The following LDLRAD4 variants were observed in gnomAD, a reference collection of about 807,000 sequenced individuals.
The protein encoded by LDLRAD4 is low-density lipoprotein receptor class A domain-containing protein 4.
LDLRAD4 carries 5 observed loss-of-function variants against 17.0 expected under a neutral mutation model. That is an observed-to-expected ratio of 0.29 (90% confidence interval 0.15 to 0.62). The LOEUF is 0.62. LDLRAD4 is among the 20% of genes least tolerant of loss of function. The pLI is 0.84. For synonymous variants in LDLRAD4, 168 were observed against 171.8 expected, an observed-to-expected ratio of 0.98 and a Z score of 0.17; for missense variants, 340 against 424.7, an observed-to-expected ratio of 0.80 and a Z score of 1.75.
At position 13,424,297 on chromosome 18, in the gene LDLRAD4, C is replaced by G. The variant is rs78448175; in HGVS notation, c.41-13947C>G. ...TGGGCCCTCTGGTTCAAGGTGAAAC[C>G]AGAGGAGCAAAGTGTGTGCTGATTC... is the stretch of plus-strand genomic sequence containing the variant. On this transcript the variant is annotated intron_variant, in intron 2 of 5. Transcript: ENST00000359446. Among the ~76,000 whole-genome samples the G allele has an allele frequency of 5.6e-3, 858 of 152,188 alleles. 47 individuals are homozygous for G. In the East Asian group the frequency reaches 0.14, roughly 24 times the overall value.
intron 1 of LDLRAD4, among the ~76,000 whole-genome samples, chr18:13,344,491 T>C (rs2082564045): frequency 7.5e-6 from 1 of 133,478 alleles, no homozygotes; most frequent in African/African-American, 2.6e-5. Context: ...TGTAGCTTTG[T>C]AGTATAGTTT....
At chr18:13,362,107 G>A (rs1026633945) in intron 1 of LDLRAD4, 3 of 152,084 alleles carry the variant, frequency 2.0e-5, no homozygotes, top group Admixed American at 6.6e-5. Flanking sequence ...ACAAGCAGAG[G>A]CGTGAGCGAG....
In LDLRAD4 at chr18:13,367,836, T is replaced by G. The variant is rs1599715024; in HGVS notation, c.-382-19505T>G. On this transcript the variant is annotated intron_variant, in intron 1 of 5. Coordinates refer to ENST00000359446, the Ensembl canonical transcript of LDLRAD4. The surrounding 1 kb of genome is among the most constrained non-coding windows in gnomAD (Gnocchi z 4.1). ...TACTGAGAGAGAGGGGACAGTGGGG[T>G]GTGGGGGTGTGCTATCAAGGGGTGT... is the stretch of plus-strand genomic sequence containing the variant. Among the ~76,000 whole-genome samples the G allele has an allele frequency of 2.1e-5, 3 of 139,702 alleles. No homozygotes were observed. The highest frequency in any genetic ancestry group is 5.4e-5 in the African/African-American group (2 of 36,754). 91.6% of individuals were successfully genotyped at this position (139,702 alleles called of 152,430 possible).
intron 1 of LDLRAD4, among the ~76,000 whole-genome samples, chr18:13,257,825 C>T (rs1006331295): frequency 6.6e-6 from 1 of 152,156 alleles, no homozygotes; most frequent in African/African-American, 2.4e-5. Context: ...TTTGTCCAAC[C>T]CAATGTGTCT....
chr18:13,253,045 G>T (rs996341340), intron 1 of LDLRAD4, among the ~76,000 whole-genome samples: 17 of 152,312 alleles, frequency 1.1e-4, no homozygotes, highest in African/African-American at 4.1e-4. Context: ...TTCACTCTGG[G>T]CACCCTGTAA....
At chr18:13,624,571 G>C (rs550069812) in intron 4 of LDLRAD4, among the ~76,000 whole-genome samples, 1 of 152,350 alleles carries the variant, frequency 6.6e-6, no homozygotes, top group East Asian at 1.9e-4. Context: ...TGGGATGGGG[G>C]AGTGTCAGGC....
chr18:13,608,411 C>T (rs757503697), intron 3 of LDLRAD4, among the ~76,000 whole-genome samples: 8 of 152,062 alleles, frequency 5.3e-5, no homozygotes, highest in Non-Finnish European at 1.2e-4. Flanking sequence ...GGGACCTGGG[C>T]TGGGTGAGAT....
intron 3 of LDLRAD4, among the ~76,000 whole-genome samples, chr18:13,452,333 G>C (rs1282908683): frequency 2.6e-5 from 4 of 152,146 alleles, no homozygotes; most frequent in African/African-American, 9.7e-5. Flanking sequence ...GCAGCGCTTG[G>C]AGGATGCAGC....
chr18:13,475,427 A>T (rs1278481134), intron 3 of LDLRAD4, among the ~76,000 whole-genome samples: 4 of 131,160 alleles, frequency 3.0e-5, no homozygotes, highest in East Asian at 2.3e-4. Flanking sequence ...CACCCCGCTG[A>T]TTTTTTTTTT....
At chr18:13,493,036 T>A (rs1450623456) in intron 3 of LDLRAD4, among the ~76,000 whole-genome samples, 2 of 152,192 alleles carry the variant, frequency 1.3e-5, no homozygotes, top group South Asian at 2.1e-4. Flanking sequence ...GGAGGATCAC[T>A]TGAAACCAGG....
At chr18:13,553,698 T>C (rs2094456862) in intron 3 of LDLRAD4, among the ~76,000 whole-genome samples, 1 of 152,206 alleles carries the variant, frequency 6.6e-6, no homozygotes, top group African/African-American at 2.4e-5. Context: ...CTGGCTAACC[T>C]CCATTTCTAC....
chr18:13,601,045 T>C (rs2095155047), intron 3 of LDLRAD4, among the ~76,000 whole-genome samples: 1 of 152,330 alleles, frequency 6.6e-6, no homozygotes, highest in African/African-American at 2.4e-5. Flanking sequence ...GCACCTGTTC[T>C]CCTAACCCTT....
chr18:13,304,417 AGTGTCAGGTCTGTATCTCT>A (rs2046790481), intron 1 of LDLRAD4, among the ~76,000 whole-genome samples: 3 of 152,288 alleles, frequency 2.0e-5, no homozygotes, highest in Admixed American at 2.0e-4. Flanking sequence ...TCTTGGTGCT[AGTGTCAGGTCTGTATCTCT>A]GTGTTGGGCC....
intron 1 of LDLRAD4, among the ~76,000 whole-genome samples, chr18:13,363,765 A>G (rs1396351187): frequency 6.6e-6 from 1 of 152,254 alleles, no homozygotes; most frequent in East Asian, 1.9e-4. Flanking sequence ...TCTCACAGAT[A>G]GCTTGAGTCT....
At chr18:13,279,167 G>A (rs1225958425) in intron 1 of LDLRAD4, among the ~76,000 whole-genome samples, 1 of 152,204 alleles carries the variant, frequency 6.6e-6, no homozygotes, top group Non-Finnish European at 1.5e-5. Flanking sequence ...GGGAAGCTGG[G>A]GTGGAAAGAG....
chr18:13,284,053 T>A (rs1018687748), intron 1 of LDLRAD4, among the ~76,000 whole-genome samples: 1 of 152,170 alleles, frequency 6.6e-6, no homozygotes, highest in African/African-American at 2.4e-5. Flanking sequence ...CCACGATATG[T>A]GGGAATTCTG....
chr18:13,536,266 C>G (rs1047211774), intron 3 of LDLRAD4, among the ~76,000 whole-genome samples: 1 of 152,174 alleles, frequency 6.6e-6, no homozygotes, highest in Non-Finnish European at 1.5e-5. Context: ...TCTCGCAATT[C>G]ATTAACATGG....
intron 3 of LDLRAD4, among the ~76,000 whole-genome samples, chr18:13,569,217 T>G (rs1191590131): frequency 2.0e-5 from 3 of 152,196 alleles, no homozygotes; most frequent in Non-Finnish European, 4.4e-5. Context: ...TCCCCACACG[T>G]GGCCTCAGAA....
chr18:13,458,503 C>T (rs552828148), intron 3 of LDLRAD4, among the ~76,000 whole-genome samples: 1 of 152,328 alleles, frequency 6.6e-6, no homozygotes, highest in South Asian at 2.1e-4. Context: ...AGCAACTCTG[C>T]GCCTATTTTG....
Sources: allele counts gnomAD v4.1 joint callset (sites outside exome capture counted in the v4.1 genomes callset), GRCh38; gene constraint gnomAD v4.1.1; non-coding constraint Gnocchi (gnomAD v3.1); transcripts MANE v1.5; gene names NCBI Gene and HGNC (gene_info 2026-07-23, HGNC 2026-07-21).